The following SH3BP5 variants were observed in gnomAD, a reference collection of about 807,000 sequenced individuals.
The protein encoded by SH3BP5 is SH3 domain binding protein 5, also known as SH3 domain-binding protein 5.
In SH3BP5, 22 loss-of-function variants were observed where a neutral mutation model predicts 43.3. That is an observed-to-expected ratio of 0.51 (90% CI 0.36 to 0.73). The LOEUF (loss-of-function observed/expected upper bound fraction) is 0.73, where lower values mean the gene tolerates loss of function less well. Ranked by LOEUF, SH3BP5 falls within the 30% of genes least tolerant of loss-of-function variation. The probability of loss-of-function intolerance (pLI) is 0.00; values close to 1 mark genes in which losing one functional copy is unlikely to be tolerated. For synonymous variants in SH3BP5, 255 were observed against 225.8 expected, an observed-to-expected ratio of 1.13 and a Z score of -1.16; for missense variants, 529 against 586.9, an observed-to-expected ratio of 0.90 and a Z score of 1.02.
At chr3:15,322,528 G>A (rs759175966) in intron 2 of SH3BP5, among the ~76,000 whole-genome samples, 7 of 152,134 alleles carry the variant, frequency 4.6e-5, no homozygotes, top group African/African-American at 7.2e-5. Context: ...CTGTCCTCAC[G>A]GTCAGTCTGT....
rs754266047 is a variant in SH3BP5, at chr3:15,259,710, C to CT, written c.669+50dup. On this transcript the variant is annotated intron_variant, in intron 6 of 8. Coordinates refer to ENST00000383791, the MANE Select transcript of SH3BP5 (RefSeq NM_004844.5). ...ACTCTGCTACCCCAGAAAAGTGAAG[C>CT]TTTGAGTGCAGAAAAATCTCATCAG... The CT allele has an allele frequency of 1.9e-6, 3 of 1,562,886 alleles. No homozygotes were observed. The Admixed American group carries it at 5.0e-5, about 26-fold the overall frequency.
rs1665541926 is a variant in SH3BP5, at chr3:15,255,988, C to CG, written c.*97dup. 1.0e-6 allele frequency: 1 copy of CG among 969,942 alleles called. No individual in the cohort carries two copies. The highest frequency in any genetic ancestry group is 2.1e-5 in the Admixed American group (1 of 48,762). 60.1% of individuals were successfully genotyped at this position (969,942 alleles called of 1,614,324 possible). A position where few individuals can be genotyped will look rare whatever the true frequency, so the allele number is the denominator to read the frequency against. On this transcript the variant is annotated 3_prime_UTR_variant, in exon 9 of 9. Coordinates refer to ENST00000383791, the MANE Select transcript of SH3BP5 (RefSeq NM_004844.5). ...CTTCATTAGAGCAGTTTAGAGTAGA[C>CG]GTGTAAGATTTGGCATATATTAAAT...
At position 15,255,376 on chromosome 3, in the gene SH3BP5, C is replaced by G. The variant is rs555190686; in HGVS notation, c.*710G>C. On this transcript the variant is annotated 3_prime_UTR_variant, in exon 9 of 9. Coordinates refer to ENST00000383791, the MANE Select transcript of SH3BP5 (RefSeq NM_004844.5). ...GCTTATGCTGTAGAACCTTCTCCCCCACAGCCACAAATCCCCTTCTATAAG... is the reference window on the plus strand; with the variant it reads ...GCTTATGCTGTAGAACCTTCTCCCCGACAGCCACAAATCCCCTTCTATAAG... 5.2e-5 allele frequency: 8 copies of G among 152,596 alleles called. No individual in the cohort carries two copies. Among genetic ancestry groups the G allele is most frequent in the African/African-American group, 1.7e-4 (7 of 41,430 alleles). The allele number at this position is 152,596 out of a possible 1,614,324, so 9.5% of individuals were successfully genotyped here. A position where few individuals can be genotyped will look rare whatever the true frequency, so the allele number is the denominator to read the frequency against.
At chr3:15,283,324 G>A (rs1027931061) in intron 3 of SH3BP5, among the ~76,000 whole-genome samples, 3 of 152,208 alleles carry the variant, frequency 2.0e-5, no homozygotes, top group Admixed American at 6.5e-5. Context: ...TTGAACCCAG[G>A]AAAGGGAGGC....
intron 3 of SH3BP5, among the ~76,000 whole-genome samples, chr3:15,301,186 T>A (rs1327307483): frequency 6.6e-6 from 1 of 152,102 alleles, no homozygotes; most frequent in Non-Finnish European, 1.5e-5. Context: ...GGGATTTGAA[T>A]GAACTCAACC....
chr3:15,337,914 CAAAAA>C (rs5846867), intron 1 of SH3BP5, among the ~76,000 whole-genome samples: 1 of 63,306 alleles, frequency 1.6e-5, no homozygotes, highest in Non-Finnish European at 2.9e-5. Context: ...GACCCTGACT[CAAAAA>C]AAAAAAAAAA....
At chr3:15,257,174 C>T in intron 7 of SH3BP5, 61 bp from the exon 8 acceptor site, 1 of 1,553,422 alleles carries the variant, frequency 6.4e-7, no homozygotes. Context: ...ACCACAAGTG[C>T]TTGCTGCTGG....
chr3:15,323,203 A>C (rs1320445750), intron 2 of SH3BP5, among the ~76,000 whole-genome samples: 1 of 152,192 alleles, frequency 6.6e-6, no homozygotes, highest in African/African-American at 2.4e-5. Context: ...TTCACATTAC[A>C]GCAGGCAGGC....
At chr3:15,278,073 A>C (rs1015126395) in intron 3 of SH3BP5, among the ~76,000 whole-genome samples, 2 of 152,174 alleles carry the variant, frequency 1.3e-5, no homozygotes, top group Non-Finnish European at 2.9e-5. Context: ...CGCTGGAGGA[A>C]TCTCACCCCC....
At chr3:15,304,004 G>A (rs530580936) in intron 3 of SH3BP5, 99 bp downstream of exon 3, 68 of 984,830 alleles carry the variant, frequency 6.9e-5, no homozygotes, top group Middle Eastern at 3.2e-4. Flanking sequence ...TATTGGACTC[G>A]AGCTTCTAAC....
intron 2 of SH3BP5, among the ~76,000 whole-genome samples, chr3:15,322,785 T>G (rs1225047633): frequency 6.6e-6 from 1 of 151,990 alleles, no homozygotes; most frequent in Non-Finnish European, 1.5e-5. Flanking sequence ...CAGGGAGCTA[T>G]GATTGTGCCA....
At chr3:15,256,689 A>G (rs1696215292) in intron 8 of SH3BP5, 164 bp downstream of exon 8, 4 of 809,016 alleles carry the variant, frequency 4.9e-6, no homozygotes, top group Non-Finnish European at 7.6e-6. Flanking sequence ...CCCCCAGAAC[A>G]GCACTTGGAA....
chr3:15,332,317 A>G lies in SH3BP5; in HGVS notation c.92T>C (p.Met31Thr). ...TTCTTCCTCCTCCAGCCCCTGCTCC[A>G]TCCCCTCTTCCTCCTCCTCCTCCTC... is the stretch of plus-strand genomic sequence containing the variant. Reference protein sequence around the residue: ...RDEEEEEEEGMEQGLEEEEEV... With the variant: ...RDEEEEEEEGTEQGLEEEEEV... Residue 31 changes from methionine to threonine, a missense_variant, in exon 1 of 9, where the codon ATG becomes ACG. This residue lies in a region of SH3BP5 where 75 missense variants were observed against 61.8 expected (regional missense o/e 1.21). Transcript: ENST00000383791. 6 of 1,547,222 alleles carry G rather than the reference A, an allele frequency of 3.9e-6. No homozygotes were observed. Among genetic ancestry groups the G allele is most frequent in the Non-Finnish European group, 5.2e-6 (6 of 1,149,122 alleles).
Position 15,257,031 on chromosome 3 carries a change from A to G in SH3BP5, c.972T>C (p.Phe324=), listed in dbSNP as rs1442486795. ...CAGACGGGCTTGTTGGTCCTGAACT[A>G]AAGCTGGACACGGACTGGGTTTCCG... is the stretch of plus-strand genomic sequence containing the variant. The part of the protein sequence containing the change: ...DDSETQSVSS[F]SSGPTSPSEM... Residue 324 remains phenylalanine (F), a synonymous_variant, in exon 8 of 9, where the codon TTT becomes TTC. Coordinates refer to ENST00000383791, the MANE Select transcript of SH3BP5 (RefSeq NM_004844.5). 1 of 1,614,186 alleles carries G rather than the reference A, an allele frequency of 6.2e-7. No homozygotes were observed. Among genetic ancestry groups the G allele is most frequent in the African/African-American group, 1.3e-5 (1 of 75,030 alleles).
At chr3:15,306,565 C>T (rs116618401) in intron 2 of SH3BP5, among the ~76,000 whole-genome samples, 3,304 of 152,214 alleles carry the variant, frequency 0.022, 122 homozygotes, top group African/African-American at 0.075. Flanking sequence ...TCCAAAAGAA[C>T]AACACATGAT....
chr3:15,320,605 A>AACACATACAC (rs1698298551), intron 2 of SH3BP5, among the ~76,000 whole-genome samples: 1 of 126,860 alleles, frequency 7.9e-6, no homozygotes, highest in African/African-American at 3.0e-5. Flanking sequence ...ATCCAGCCAA[A>AACACATACAC]ACACACACAC....
intron 2 of SH3BP5, among the ~76,000 whole-genome samples, chr3:15,304,832 AAG>A (rs1697855048): frequency 6.7e-6 from 1 of 150,094 alleles, no homozygotes; most frequent in South Asian, 2.1e-4. Context: ...AAAAAAAAAA[AAG>A]CTTAGTAAGC....
At chr3:15,310,543 C>G (rs567900942) in intron 2 of SH3BP5, among the ~76,000 whole-genome samples, 5 of 152,136 alleles carry the variant, frequency 3.3e-5, no homozygotes, top group Non-Finnish European at 7.4e-5. Flanking sequence ...GGAGAGTAAG[C>G]TGACTGCTTT....
chr3:15,270,925 C>CA (rs36096504), intron 3 of SH3BP5, among the ~76,000 whole-genome samples: 50,920 of 98,008 alleles, frequency 0.52, 13,121 homozygotes, highest in Non-Finnish European at 0.63. Flanking sequence ...GACTCCATCT[C>CA]AAAAAAAAAA....
Sources: gnomAD v4.1 joint callset for allele counts (sites outside exome capture counted in the v4.1 genomes callset) on GRCh38, gnomAD v4.1.1 for gene constraint, gnomAD v4.1.1 regional missense constraint, MANE v1.5 for transcripts, NCBI Gene and HGNC (gene_info 2026-07-23, HGNC 2026-07-21) for gene names.